Variants in PRKAR1B observed in about 807,000 individuals in gnomAD.
PRKAR1B encodes the protein protein kinase cAMP-dependent type I regulatory subunit beta, also known as cAMP-dependent protein kinase type I-beta regulatory subunit.
PRKAR1B carries 22 observed loss-of-function variants against 46.5 expected under a neutral mutation model. That is an observed-to-expected ratio of 0.47 (90% CI 0.34 to 0.68). The LOEUF is 0.68. Among genes scored for constraint, PRKAR1B ranks in the 30% least tolerant of loss-of-function variants. The pLI is 0.01. For synonymous variants in PRKAR1B, 259 were observed against 217.7 expected (o/e 1.19, Z -1.67); for missense variants, 445 against 535.6 (o/e 0.83, Z 1.67).
At chr7:608,426 A>T (rs930493547) in intron 4 of PRKAR1B, 1 of 152,242 alleles carries the variant, frequency 6.6e-6, no homozygotes, top group African/African-American at 2.4e-5. Context: ...GAAATCAAAG[A>T]TCCAGACAGC....
chr7:690,575 T>C (rs1779357300), intron 2 of PRKAR1B, among the ~76,000 whole-genome samples: 1 of 152,242 alleles, frequency 6.6e-6, no homozygotes, highest in Non-Finnish European at 1.5e-5. Context: ...GTTGCTGTAA[T>C]GTTAACACAA....
intron 2 of PRKAR1B, among the ~76,000 whole-genome samples, chr7:708,487 T>A (rs541485703): frequency 5.2e-4 from 79 of 152,296 alleles, no homozygotes; most frequent in African/African-American, 1.9e-3. Context: ...TATACTTTTT[T>A]AAAAAATTTA....
chr7:569,941 A>G (rs1779401684), intron 9 of PRKAR1B, among the ~76,000 whole-genome samples: 1 of 152,218 alleles, frequency 6.6e-6, no homozygotes. Flanking sequence ...GCCCAGGTGG[A>G]GGGCTCAGAG....
chr7:715,448 C>T (rs1028276436), intron 1 of PRKAR1B, among the ~76,000 whole-genome samples: 1 of 152,130 alleles, frequency 6.6e-6, no homozygotes, highest in African/African-American at 2.4e-5. Flanking sequence ...CAAACCCTGA[C>T]GTGTGACACT....
At position 693,853 on chromosome 7, in the gene PRKAR1B, C is replaced by T. The variant is rs1383762755; in HGVS notation, c.178-13127G>A. On this transcript the variant is annotated intron_variant, in intron 2 of 10. Transcript: ENST00000537384. ...CTTCCACTGTGGCTGTACCAACTCACATTCCCGACAGCAGCGCACAAGGGT... is the reference window on the plus strand; with the variant it reads ...CTTCCACTGTGGCTGTACCAACTCATATTCCCGACAGCAGCGCACAAGGGT... 4.6e-5 allele frequency among the ~76,000 whole-genome samples: 7 copies of T among 152,356 alleles called. No individual in the cohort carries two copies. The South Asian group carries it at 1.0e-3, about 23-fold the overall frequency.
chr7:556,426 G>A (rs1292782890), intron 9 of PRKAR1B, among the ~76,000 whole-genome samples: 2 of 151,790 alleles, frequency 1.3e-5, no homozygotes, highest in East Asian at 1.9e-4. Flanking sequence ...GGCGGCCTTC[G>A]GATAATTAGA....
Position 705,069 on chromosome 7 carries a change from A to C in PRKAR1B, c.177+6260T>G, listed in dbSNP as rs1054796500. 9.2e-5 allele frequency among the ~76,000 whole-genome samples: 14 copies of C among 152,224 alleles called. No individual in the cohort carries two copies. In the South Asian group the frequency reaches 2.9e-3, roughly 32 times the overall value. On this transcript the variant is annotated intron_variant, in intron 2 of 10. Transcript: ENST00000537384. ...CACTTTGGGAGGCTGAGGCGGGTGG[A>C]GCATCTGAGGTCAGGAGTTCAAGAC...
At chr7:629,492 G>A (rs1186567408) in intron 4 of PRKAR1B, among the ~76,000 whole-genome samples, 1 of 126,370 alleles carries the variant, frequency 7.9e-6, no homozygotes, top group Non-Finnish European at 1.6e-5. Context: ...CTGCAGGAGC[G>A]GGGCCACGGC....
chr7:727,418 C>T (rs1198936230), upstream of PRKAR1B: 13 of 559,216 alleles, frequency 2.3e-5, no homozygotes, highest in East Asian at 3.4e-4. Flanking sequence ...CCCCGCCCCC[C>T]TCCACGCCCG....
rs915877875 is a variant in PRKAR1B, at chr7:596,010, C to T, written c.708+136G>A. 4.2e-5 allele frequency: 49 copies of T among 1,173,268 alleles called. No homozygotes were observed. In the African/African-American group the frequency reaches 7.3e-4, roughly 17 times the overall value. 72.7% of individuals were successfully genotyped at this position (1,173,268 alleles called of 1,614,324 possible). A position where few individuals can be genotyped will look rare whatever the true frequency, so the allele number is the denominator to read the frequency against. On this transcript the variant is annotated intron_variant, in intron 7 of 10. Transcript: ENST00000537384. The stretch of plus-strand genomic sequence containing the variant: ...TCCCTCCACCCCTTTCCACTCCTCT[C>T]ACAGGCCAGATCTGTCAGGGAGGTT...
At chr7:562,249 G>A (rs534802555) in intron 9 of PRKAR1B, among the ~76,000 whole-genome samples, 22 of 151,952 alleles carry the variant, frequency 1.4e-4, no homozygotes, top group Non-Finnish European at 2.4e-4. Context: ...CCTGCCAGGC[G>A]GGGAGGTGGG....
chr7:726,532 G>C (rs1447671441), intron 1 of PRKAR1B: 3 of 419,108 alleles, frequency 7.2e-6, no homozygotes, highest in Non-Finnish European at 1.2e-5. Context: ...CCAGCAGGCA[G>C]GCTGGCGGGG....
intron 4 of PRKAR1B, among the ~76,000 whole-genome samples, chr7:661,112 C>T (rs1470446159): frequency 3.2e-5 from 1 of 31,272 alleles, no homozygotes; most frequent in African/African-American, 1.5e-4. Context: ...CTCTCCCCCC[C>T]ATGGGACAGG....
chr7:672,062 T>TACCCCCA (rs1229441983), intron 4 of PRKAR1B, among the ~76,000 whole-genome samples: 2 of 152,136 alleles, frequency 1.3e-5, no homozygotes, highest in African/African-American at 2.4e-5. Context: ...ACCCGTTCCC[T>TACCCCCA]ACCCCCACTG....
At position 573,297 on chromosome 7, in the gene PRKAR1B, G is replaced by A. The variant is rs368549366; in HGVS notation, c.891+5959C>T. ...TTTCGTCCCGGAGGACGTGCAAGGC[G>A]CTGTTTTATGTGAATCTGCACAGCC... On this transcript the variant is annotated intron_variant, in intron 9 of 10. Transcript: ENST00000537384. 1.2e-3 allele frequency among the ~76,000 whole-genome samples: 183 copies of A among 152,282 alleles called. 1 individual carries two copies. The Middle Eastern group carries it at 0.02, about 17-fold the overall frequency.
chr7:699,138 G>A (rs1413008317), intron 2 of PRKAR1B, among the ~76,000 whole-genome samples: 2 of 152,262 alleles, frequency 1.3e-5, no homozygotes, highest in African/African-American at 4.8e-5. Context: ...CACAGGCAAG[G>A]TGGGAAGGGT....
intron 4 of PRKAR1B, among the ~76,000 whole-genome samples, chr7:631,278 G>A (rs1231855227): frequency 1.3e-5 from 2 of 152,210 alleles, no homozygotes; most frequent in Non-Finnish European, 2.9e-5. Context: ...AAGAGCAGTT[G>A]TTCAAACAGC....
At chr7:631,197 C>CTCAAGTG (rs1309699011) in intron 4 of PRKAR1B, among the ~76,000 whole-genome samples, 1 of 152,198 alleles carries the variant, frequency 6.6e-6, no homozygotes, top group African/African-American at 2.4e-5. Context: ...GTGATCCGCC[C>CTCAAGTG]ACCTTGAACT....
intron 2 of PRKAR1B, among the ~76,000 whole-genome samples, chr7:684,901 C>T (rs921596564): frequency 6.6e-6 from 1 of 151,812 alleles, no homozygotes. Flanking sequence ...CACACACACA[C>T]AGAGGATGGA....
Sources: gnomAD v4.1 joint callset for allele counts (sites outside exome capture counted in the v4.1 genomes callset) on GRCh38, gnomAD v4.1.1 for gene constraint, MANE v1.5 for transcripts, NCBI Gene and HGNC (gene_info 2026-07-23, HGNC 2026-07-21) for gene names.